Variants in SCNN1B observed in about 807,000 individuals in gnomAD.
SCNN1B encodes sodium channel epithelial 1 subunit beta.
SCNN1B carries 46 observed loss-of-function variants against 65.3 expected under a neutral mutation model. That is an observed-to-expected ratio of 0.70 (90% confidence interval 0.56 to 0.90). The LOEUF (loss-of-function observed/expected upper bound fraction) is 0.90, where lower values mean the gene tolerates loss of function less well. Ranked by LOEUF, SCNN1B falls within the 40% of genes least tolerant of loss-of-function variation. The probability of loss-of-function intolerance (pLI) is 0.00; values close to 1 mark genes in which losing one functional copy is unlikely to be tolerated. For missense variants in SCNN1B, 751 were observed against 830.5 expected (o/e 0.90, Z 1.18); for synonymous variants, 349 against 330.6 (o/e 1.06, Z -0.60).
intron 1 of SCNN1B, among the ~76,000 whole-genome samples, chr16:23,330,274 A>G (rs3785365): frequency 0.19 from 29,349 of 152,130 alleles, 3,208 homozygotes; most frequent in Middle Eastern, 0.29. Context: ...GGATGGGCCC[A>G]ACGTGAACAA....
chr16:23,300,481 G>A (rs953577163), upstream of SCNN1B, among the ~76,000 whole-genome samples: 1 of 151,774 alleles, frequency 6.6e-6, no homozygotes, highest in Admixed American at 6.6e-5. Flanking sequence ...ATTAAGCCAA[G>A]CATTAAAGAG....
At chr16:23,365,579 GAA>G (rs1158634483) in intron 4 of SCNN1B, among the ~76,000 whole-genome samples, 3 of 81,944 alleles carry the variant, frequency 3.7e-5, no homozygotes, top group Admixed American at 1.1e-4. Flanking sequence ...AAGAAAGAAA[GAA>G]AGAAAGAGAA....
chr16:23,281,506 G>A (rs890945121), intron 1 of SCNN1B, among the ~76,000 whole-genome samples: 39 of 152,288 alleles, frequency 2.6e-4, no homozygotes, highest in African/African-American at 8.7e-4. Context: ...GTAAACATTA[G>A]CTGTGTGTCC....
intron 1 of SCNN1B, among the ~76,000 whole-genome samples, chr16:23,330,209 T>C (rs1961782993): frequency 6.6e-6 from 1 of 152,156 alleles, no homozygotes; most frequent in Non-Finnish European, 1.5e-5. Flanking sequence ...GGACCCCGAC[T>C]CGGCAGGTGG....
At chr16:23,336,907 C>A (rs1172107048) in intron 1 of SCNN1B, among the ~76,000 whole-genome samples, 1 of 151,750 alleles carries the variant, frequency 6.6e-6, no homozygotes, top group Non-Finnish European at 1.5e-5. Flanking sequence ...AAGTGCTACA[C>A]AGATTTAGCA....
intron 2 of SCNN1B, among the ~76,000 whole-genome samples, chr16:23,291,915 C>T (rs1193815107): frequency 1.3e-5 from 2 of 151,778 alleles, no homozygotes; most frequent in African/African-American, 4.8e-5. Context: ...AATATATATA[C>T]CCATTTAAAT....
chr16:23,338,023 G>T (rs1319056440), intron 1 of SCNN1B, among the ~76,000 whole-genome samples: 1 of 152,202 alleles, frequency 6.6e-6, no homozygotes, highest in Non-Finnish European at 1.5e-5. Flanking sequence ...AGTGAGCTGA[G>T]ATTGTGCCAC....
chr16:23,299,794 G>C (rs1387092310), upstream of SCNN1B, among the ~76,000 whole-genome samples: 1 of 152,180 alleles, frequency 6.6e-6, no homozygotes. Flanking sequence ...GATTCCTCAA[G>C]GATCTAGAAC....
intron 1 of SCNN1B, among the ~76,000 whole-genome samples, chr16:23,338,785 A>G (rs1961994885): frequency 6.6e-6 from 1 of 152,244 alleles, no homozygotes; most frequent in African/African-American, 2.4e-5. Context: ...CTGACTTTTC[A>G]AAGGATGAAG....
At chr16:23,309,663 ATATAC>A (rs1263936893) in intron 1 of SCNN1B, among the ~76,000 whole-genome samples, 4 of 152,298 alleles carry the variant, frequency 2.6e-5, no homozygotes, top group Middle Eastern at 3.4e-3. Flanking sequence ...TACCTGCTTT[ATATAC>A]TAGCTGCATT....
chr16:23,313,532 T>G (rs1374554059), intron 1 of SCNN1B, among the ~76,000 whole-genome samples: 1 of 152,222 alleles, frequency 6.6e-6, no homozygotes, highest in Non-Finnish European at 1.5e-5. Context: ...TGCTATCGTT[T>G]GCCAAATCAA....
intron 7 of SCNN1B, among the ~76,000 whole-genome samples, chr16:23,372,629 G>A (rs1407304484): frequency 6.6e-6 from 1 of 151,470 alleles, no homozygotes; most frequent in Non-Finnish European, 1.5e-5. Flanking sequence ...GTGTAGCTGG[G>A]ACTACAGGTG....
chr16:23,304,871 C>T (rs866722353), intron 1 of SCNN1B, among the ~76,000 whole-genome samples: 1 of 152,092 alleles, frequency 6.6e-6, no homozygotes, highest in African/African-American at 2.4e-5. Context: ...AATAATGGCA[C>T]CCTCCCCAAA....
chr16:23,344,808 A>C (rs536414710), intron 1 of SCNN1B, among the ~76,000 whole-genome samples: 1 of 152,292 alleles, frequency 6.6e-6, no homozygotes, highest in Non-Finnish European at 1.5e-5. Context: ...AGCCTGGGCA[A>C]CATGGCAAAA....
intron 1 of SCNN1B, among the ~76,000 whole-genome samples, chr16:23,318,748 G>T (rs1961525334): frequency 6.6e-6 from 1 of 152,224 alleles, no homozygotes; most frequent in South Asian, 2.1e-4. Context: ...CACAGTAAAA[G>T]ATCACTAAGG....
At chr16:23,297,421 C>A (rs1219139337), upstream of SCNN1B, among the ~76,000 whole-genome samples, 2 of 152,170 alleles carry the variant, frequency 1.3e-5, no homozygotes, top group African/African-American at 4.8e-5. Flanking sequence ...ACAGATACCC[C>A]AAGATGGCTT....
At chr16:23,302,919 G>A (rs147354326) in intron 1 of SCNN1B, among the ~76,000 whole-genome samples, 71 of 152,258 alleles carry the variant, frequency 4.7e-4, no homozygotes, top group African/African-American at 1.7e-3. Flanking sequence ...GGGTCAGAGG[G>A]TGGGGAAGCT....
upstream of SCNN1B, among the ~76,000 whole-genome samples, chr16:23,301,359 C>CAAAAAAAAAAA (rs369302758): frequency 2.7e-4 from 32 of 120,404 alleles, 1 homozygote; most frequent in African/African-American, 1.1e-3. Flanking sequence ...GAGACTCTGT[C>CAAAAAAAAAAA]AAAAAAAAAA....
At chr16:23,379,168 G>A (rs956148057) in intron 11 of SCNN1B, among the ~76,000 whole-genome samples, 4 of 127,896 alleles carry the variant, frequency 3.1e-5, no homozygotes, top group Non-Finnish European at 6.6e-5. Flanking sequence ...CACCCACGCA[G>A]CCAGCCATCC....
Sources: allele counts gnomAD v4.1 joint callset (sites outside exome capture counted in the v4.1 genomes callset), GRCh38; gene constraint gnomAD v4.1.1; transcripts MANE v1.5; gene names NCBI Gene and HGNC (gene_info 2026-07-23, HGNC 2026-07-21).